The following ISM2 variants were observed in gnomAD, a reference collection of about 807,000 sequenced individuals.
The protein encoded by ISM2 is isthmin-2.
ISM2 carries 50 observed loss-of-function variants against 58.0 expected under a neutral mutation model. The ratio of observed to expected loss-of-function variants is 0.86; its 90% CI spans 0.69 to 1.09. The LOEUF (loss-of-function observed/expected upper bound fraction) is 1.09. Among genes scored for constraint, ISM2 ranks in the 50% least tolerant of loss-of-function variants. The probability of loss-of-function intolerance (pLI) is 0.00; values close to 1 mark genes in which losing one functional copy is unlikely to be tolerated. For synonymous variants in ISM2, 303 were observed against 312.4 expected (o/e 0.97, Z 0.32); for missense variants, 723 against 745.0 (o/e 0.97, Z 0.34).
At chr14:77,498,159 G>A (rs2079259201) in intron 1 of ISM2, 3 of 935,678 alleles carry the variant, frequency 3.2e-6, no homozygotes, top group Middle Eastern at 5.4e-4. Context: ...GTCTCAGGCT[G>A]GCCACCCCTG....
At chr14:77,490,231 TC>T in intron 1 of ISM2, among the ~76,000 whole-genome samples, 1 of 152,056 alleles carries the variant, frequency 6.6e-6, no homozygotes. Context: ...TCTCTTGACT[TC>T]GTGATCCGCC....
rs369762067 is a variant in ISM2, at chr14:77,484,908, G to A, written c.153C>T (p.Ser51=). ...CTTCCTTCAGAGGCCTAGGATCTGGGGAGGCTGAGACCTGAGGGAGAGAGA... is the reference window on the plus strand; with the variant it reads ...CTTCCTTCAGAGGCCTAGGATCTGGAGAGGCTGAGACCTGAGGGAGAGAGA... ...SLTRLAEVSA[S]PDPRPLKEEE... The change falls in exon 2 of 7, where the codon TCC becomes TCT. Residue 51 remains serine, a synonymous_variant. Coordinates refer to ENST00000342219, the MANE Select transcript of ISM2 (RefSeq NM_199296.3). 1.1e-5 allele frequency: 17 copies of A among 1,557,584 alleles called. No homozygotes were observed. The highest frequency in any genetic ancestry group is 1.3e-5 in the Non-Finnish European group (15 of 1,152,810).
chr14:77,494,844 C>T (rs1026079374), intron 1 of ISM2, among the ~76,000 whole-genome samples: 10 of 152,130 alleles, frequency 6.6e-5, no homozygotes, highest in Non-Finnish European at 1.5e-4. Flanking sequence ...CTGGACAGAA[C>T]CATAAAGATG....
Position 77,482,477 on chromosome 14 carries a change from TC to T in ISM2, c.817del (p.Glu273ArgfsTer136), listed in dbSNP as rs2079138403. 1.2e-6 allele frequency: 2 copies of T among 1,614,186 alleles called. No homozygotes were observed. The highest frequency in any genetic ancestry group is 1.7e-5 in the Admixed American group (1 of 60,028). Reference sequence around the variant, plus strand: ...CTCGATATCCTCTGAAGGATAGTCCTCGTCTTCCTCCTTTTCCTCCCCCTTC... The same window carrying T: ...CTCGATATCCTCTGAAGGATAGTCCTGTCTTCCTCCTTTTCCTCCCCCTTC... ...GEKGEEKEEDEDYPSEDIEGE... is the reference protein window; with the variant it reads ...GEKGEEKEEDXDYPSEDIEGE... On this transcript the variant is annotated frameshift_variant, in exon 4 of 7. Coordinates refer to ENST00000342219, the MANE Select transcript of ISM2 (RefSeq NM_199296.3). LOFTEE classifies it high-confidence loss of function.
chr14:77,477,299 T>G (rs949281507), intron 6 of ISM2, among the ~76,000 whole-genome samples: 1 of 152,194 alleles, frequency 6.6e-6, no homozygotes, highest in African/African-American at 2.4e-5. Context: ...TTTTCCCTTC[T>G]GTGCCCTCAT....
At position 77,478,602 on chromosome 14, in the gene ISM2, G is replaced by A. The variant is rs201891133; in HGVS notation, c.1087C>T (p.Arg363Cys). The change falls in exon 5 of 7, where the codon CGT becomes TGT. Residue 363 changes from arginine to cysteine, a missense_variant. Transcript: ENST00000342219. ...CGYGCTATET[R>C]TCDLPSCPGT... ...GGACAGGAGGGCAGGTCACAGGTAC[G>A]GGTCTCGGTGGCAGTGCAGCCATAG... 1.3e-4 allele frequency: 207 copies of A among 1,613,522 alleles called. 1 individual carries two copies. The highest frequency in any genetic ancestry group is 2.9e-4 in the South Asian group (26 of 91,040).
chr14:77,490,525 C>T (rs949371548), intron 1 of ISM2, among the ~76,000 whole-genome samples: 5 of 152,178 alleles, frequency 3.3e-5, no homozygotes, highest in African/African-American at 9.7e-5. Flanking sequence ...ACGTAACTTG[C>T]CTGGAGTCAC....
At chr14:77,488,444 G>A (rs2139967011) in intron 1 of ISM2, among the ~76,000 whole-genome samples, 1 of 152,272 alleles carries the variant, frequency 6.6e-6, no homozygotes, top group South Asian at 2.1e-4. Flanking sequence ...CCCCTTGTGG[G>A]CCACCACCTT....
At chr14:77,487,830 G>A (rs1423555085) in intron 1 of ISM2, among the ~76,000 whole-genome samples, 1 of 152,190 alleles carries the variant, frequency 6.6e-6, no homozygotes, top group Non-Finnish European at 1.5e-5. Context: ...CAGCAACCAT[G>A]ATGGGCACCT....
chr14:77,477,529 C>T (rs182220011), intron 6 of ISM2, among the ~76,000 whole-genome samples: 2 of 152,324 alleles, frequency 1.3e-5, no homozygotes, highest in Admixed American at 1.3e-4. Context: ...ACAAACTGCT[C>T]CTTCCTCTCT....
intron 4 of ISM2, among the ~76,000 whole-genome samples, chr14:77,480,302 CAAAAA>C (rs34339320): frequency 1.6e-5 from 2 of 123,464 alleles, no homozygotes; most frequent in Non-Finnish European, 3.4e-5. Context: ...GACACTGTCT[CAAAAA>C]AAAAAAAAAA....
intron 4 of ISM2, among the ~76,000 whole-genome samples, chr14:77,479,477 G>A (rs1205480415): frequency 6.6e-6 from 1 of 151,552 alleles, no homozygotes; most frequent in East Asian, 1.9e-4. Flanking sequence ...TCTGCCTCCC[G>A]GGTTCAAGCA....
chr14:77,481,584 G>C (rs2079132349), intron 4 of ISM2, among the ~76,000 whole-genome samples: 1 of 152,150 alleles, frequency 6.6e-6, no homozygotes, highest in South Asian at 2.1e-4. Flanking sequence ...GAGGCACAGA[G>C]AGTTGAAGAA....
At chr14:77,494,576 T>C (rs2079227341) in intron 1 of ISM2, among the ~76,000 whole-genome samples, 2 of 152,006 alleles carry the variant, frequency 1.3e-5, no homozygotes, top group Non-Finnish European at 1.5e-5. Flanking sequence ...TTTGTATTTT[T>C]AGTAGAGATG....
chr14:77,474,639 C>T lies in ISM2; in HGVS notation c.*956G>A, dbSNP rs889893359. The T allele has an allele frequency of 6.6e-6, 1 of 152,252 alleles. No homozygotes were observed. The allele number at this position is 152,252 out of a possible 1,614,324, so 9.4% of individuals were successfully genotyped here. A position where few individuals can be genotyped will look rare whatever the true frequency, so the allele number is the denominator to read the frequency against. ...TTCCCAACTCTGAGTTCAGTGCATT[C>T]AGTGATGCTGGCAGCATGACATGGG... On this transcript the variant is annotated 3_prime_UTR_variant, in exon 7 of 7. Coordinates refer to ENST00000342219, the MANE Select transcript of ISM2 (RefSeq NM_199296.3).
At chr14:77,495,487 A>G (rs2079233402) in intron 1 of ISM2, among the ~76,000 whole-genome samples, 2 of 152,210 alleles carry the variant, frequency 1.3e-5, no homozygotes, top group South Asian at 4.1e-4. Context: ...ATGCCAAGTG[A>G]GCAGAAACAA....
At chr14:77,494,489 T>C (rs2079226923) in intron 1 of ISM2, among the ~76,000 whole-genome samples, 1 of 151,950 alleles carries the variant, frequency 6.6e-6, no homozygotes, top group Non-Finnish European at 1.5e-5. Context: ...CTCTGCCTCC[T>C]AGGTTCAAGC....
At chr14:77,489,886 T>C (rs2079190986) in intron 1 of ISM2, among the ~76,000 whole-genome samples, 1 of 152,230 alleles carries the variant, frequency 6.6e-6, no homozygotes, top group Non-Finnish European at 1.5e-5. Context: ...GTTTTTGAGA[T>C]GGAGTCTTGC....
chr14:77,479,866 C>A (rs1012733265), intron 4 of ISM2, among the ~76,000 whole-genome samples: 2 of 151,748 alleles, frequency 1.3e-5, no homozygotes, highest in Admixed American at 1.3e-4. Flanking sequence ...CACCATGTTG[C>A]CCAGGCTGGT....
Sources: gnomAD v4.1 joint callset for allele counts (sites outside exome capture counted in the v4.1 genomes callset) on GRCh38, gnomAD v4.1.1 for gene constraint, MANE v1.5 for transcripts, NCBI Gene and HGNC (gene_info 2026-07-23, HGNC 2026-07-21) for gene names.